Variants in HLCS observed in about 807,000 individuals in gnomAD.
HLCS encodes the protein biotin--protein ligase.
HLCS carries 53 observed loss-of-function variants against 75.0 expected under a neutral mutation model. The observed-to-expected ratio is 0.71, with a 90% CI of 0.57 to 0.89. The LOEUF (loss-of-function observed/expected upper bound fraction) is 0.89. Ranked by LOEUF, HLCS falls within the 40% of genes least tolerant of loss-of-function variation. The pLI, the probability that HLCS is intolerant of heterozygous loss-of-function variation, is 0.00. For missense variants in HLCS, 966 were observed against 1,074.0 expected, an observed-to-expected ratio of 0.90 and a Z score of 1.41; for synonymous variants, 431 against 428.6, an observed-to-expected ratio of 1.01 and a Z score of -0.07.
chr21:36,826,118 A>G (rs2062001844), intron 6 of HLCS, among the ~76,000 whole-genome samples: 1 of 152,228 alleles, frequency 6.6e-6, no homozygotes, highest in South Asian at 2.1e-4. Context: ...CAAAGATGGG[A>G]AATCTATCAA....
intron 8 of HLCS, among the ~76,000 whole-genome samples, chr21:36,761,499 C>T (rs1013146521): frequency 2.6e-5 from 4 of 151,984 alleles, no homozygotes; most frequent in Admixed American, 6.6e-5. Context: ...AACAGCTTCA[C>T]GTTTCTTTTC....
intron 5 of HLCS, among the ~76,000 whole-genome samples, chr21:36,900,200 G>A (rs1160633440): frequency 6.6e-6 from 1 of 152,100 alleles, no homozygotes; most frequent in Non-Finnish European, 1.5e-5. Flanking sequence ...GTACAAAGGA[G>A]GGACAAGAAA....
At chr21:36,780,121 T>C (rs766334178) in intron 6 of HLCS, among the ~76,000 whole-genome samples, 3 of 152,144 alleles carry the variant, frequency 2.0e-5, no homozygotes, top group Non-Finnish European at 4.4e-5. Context: ...ACAATTAATA[T>C]ACCCGGGAAC....
intron 2 of HLCS, among the ~76,000 whole-genome samples, chr21:36,954,354 C>A (rs1014789267): frequency 2.0e-5 from 3 of 151,586 alleles, no homozygotes; most frequent in Non-Finnish European, 4.4e-5. Context: ...GTGGCTCACA[C>A]CCATAATCTC....
chr21:36,959,389 G>A lies in HLCS; in HGVS notation c.330+2647C>T, dbSNP rs1015373252. On this transcript the variant is annotated intron_variant, in intron 2 of 10. Coordinates refer to ENST00000674895, the MANE Select transcript of HLCS (RefSeq NM_001352514.2). ...GGGAGGCCGAGGAGGGGCTGAGGAC[G>A]GCTGGTTGCAGGCCTGTAGGCACCC... Among the ~76,000 whole-genome samples the A allele has an allele frequency of 3.3e-5, 5 of 152,210 alleles. 1 individual carries two copies. The highest frequency in any genetic ancestry group is 5.9e-5 in the Non-Finnish European group (4 of 68,034).
chr21:36,984,525 T>C (rs2069190224), intron 1 of HLCS, among the ~76,000 whole-genome samples: 1 of 152,164 alleles, frequency 6.6e-6, no homozygotes, highest in Non-Finnish European at 1.5e-5. Context: ...CAGGAAGGTG[T>C]GAGATTTCAT....
intron 4 of HLCS, 37 bp downstream of exon 4, chr21:36,936,412 T>C: frequency 1.9e-6 from 3 of 1,548,802 alleles, no homozygotes; most frequent in South Asian, 1.1e-5. Context: ...TACCCACAGA[T>C]ACCCAAAGAT....
At chr21:36,960,630 C>T (rs1164953285) in intron 2 of HLCS, among the ~76,000 whole-genome samples, 2 of 152,230 alleles carry the variant, frequency 1.3e-5, no homozygotes, top group Non-Finnish European at 2.9e-5. Flanking sequence ...TTGTTTACTT[C>T]CCCATTTTTC....
intron 5 of HLCS, among the ~76,000 whole-genome samples, chr21:36,914,939 TGGA>T (rs1392554417): frequency 1.3e-5 from 2 of 152,232 alleles, no homozygotes; most frequent in African/African-American, 4.8e-5. Context: ...GTGGAGGGCA[TGGA>T]AAACGCTGGG....
intron 7 of HLCS, among the ~76,000 whole-genome samples, chr21:36,766,872 G>C (rs1004617719): frequency 1.3e-5 from 2 of 152,154 alleles, no homozygotes; most frequent in African/African-American, 2.4e-5. Context: ...GACACAGAAG[G>C]CTCCTTATGG....
chr21:36,802,238 G>C (rs2061226800), intron 6 of HLCS, among the ~76,000 whole-genome samples: 1 of 152,128 alleles, frequency 6.6e-6, no homozygotes, highest in Non-Finnish European at 1.5e-5. Flanking sequence ...AGGCCTCCAA[G>C]ATTGCAGCAT....
rs184537684 is a variant in HLCS, at chr21:36,899,462, A to G, written c.1621-2331T>C. ...AACATGGTGAGACCCCGTCTCTAAT[A>G]AAAATACAAAAATTAACTGGGCATG... is the stretch of plus-strand genomic sequence containing the variant. On this transcript the variant is annotated intron_variant, in intron 5 of 10. Transcript: ENST00000674895. Among the ~76,000 whole-genome samples the G allele has an allele frequency of 3.0e-3, 455 of 152,168 alleles. 5 individuals carry two copies. The highest frequency in any genetic ancestry group is 3.9e-3 in the Non-Finnish European group (263 of 68,000).
At chr21:36,938,349 C>T (rs1014703036) in intron 3 of HLCS, among the ~76,000 whole-genome samples, 2 of 152,134 alleles carry the variant, frequency 1.3e-5, no homozygotes, top group African/African-American at 4.8e-5. Context: ...TGAAAATGTA[C>T]CCTGCAGCCC....
Position 36,930,248 on chromosome 21 carries a change from C to T in HLCS, c.1620+3G>A. 1 of 1,614,080 alleles carries T rather than the reference C, an allele frequency of 6.2e-7. No homozygotes were observed. Among genetic ancestry groups the T allele is most frequent in the Admixed American group, 1.7e-5 (1 of 60,028 alleles). On this transcript the variant is annotated splice_donor_region_variant and intron_variant, in intron 5 of 10. Transcript: ENST00000674895. Reference sequence around the variant, plus strand: ...GCTCTGCCCAGCTGAGCCCACAACTCACCTCCGCAGCTGACAGCAAGTAAA... The same window carrying T: ...GCTCTGCCCAGCTGAGCCCACAACTTACCTCCGCAGCTGACAGCAAGTAAA...
intron 2 of HLCS, among the ~76,000 whole-genome samples, chr21:36,954,259 C>T (rs2067812675): frequency 6.6e-6 from 1 of 150,916 alleles, no homozygotes; most frequent in Non-Finnish European, 1.5e-5. Flanking sequence ...TGAGCTATCA[C>T]ACCACTGCAC....
At chr21:36,961,910 C>T (rs1179559164) in intron 2 of HLCS, 126 bp downstream of exon 2, 4 of 478,436 alleles carry the variant, frequency 8.4e-6, no homozygotes, top group Non-Finnish European at 1.4e-5. Context: ...GCCGAGATCA[C>T]ACCACTGCAC....
intron 1 of HLCS, among the ~76,000 whole-genome samples, chr21:36,984,037 C>G (rs1172412448): frequency 6.6e-6 from 1 of 151,996 alleles, no homozygotes; most frequent in Non-Finnish European, 1.5e-5. Context: ...TGGGTTCTTG[C>G]TATGTTGCCC....
At position 36,896,854 on chromosome 21, in the gene HLCS, C is replaced by T; in HGVS notation, c.1892+6G>A. 1 of 1,613,956 alleles carries T rather than the reference C, an allele frequency of 6.2e-7. No homozygotes were observed. Among genetic ancestry groups the T allele is most frequent in the Non-Finnish European group, 8.5e-7 (1 of 1,179,870 alleles). ...CTGAGCAGATGCAGACCTGCTCACA[C>T]CTTACCCATCCAGGAGACGCATCGT... On this transcript the variant is annotated splice_donor_region_variant and intron_variant, in intron 6 of 10. Coordinates refer to ENST00000674895, the MANE Select transcript of HLCS (RefSeq NM_001352514.2).
intron 6 of HLCS, among the ~76,000 whole-genome samples, chr21:36,815,701 A>G (rs905267604): frequency 2.6e-5 from 4 of 152,146 alleles, no homozygotes; most frequent in Admixed American, 2.6e-4. Context: ...TGATGTGTGT[A>G]CCTATATACA....
Sources: allele counts gnomAD v4.1 joint callset (sites outside exome capture counted in the v4.1 genomes callset), GRCh38; gene constraint gnomAD v4.1.1; transcripts MANE v1.5; gene names NCBI Gene and HGNC (gene_info 2026-07-23, HGNC 2026-07-21).